AGBL4: variants seen among roughly 807,000 people sequenced by gnomAD.
AGBL4 encodes the protein cytosolic carboxypeptidase 6.
AGBL4 carries 58 observed loss-of-function variants against 66.4 expected under a neutral mutation model. The observed-to-expected ratio is 0.87, with a 90% CI of 0.71 to 1.09. The LOEUF (loss-of-function observed/expected upper bound fraction) is 1.09, where lower values mean the gene tolerates loss of function less well. Ranked by LOEUF, AGBL4 falls within the 50% of genes least tolerant of loss-of-function variation. The pLI is 0.00. For synonymous variants in AGBL4, 234 were observed against 222.9 expected, an observed-to-expected ratio of 1.05 and a Z score of -0.44; for missense variants, 579 against 631.0, an observed-to-expected ratio of 0.92 and a Z score of 0.88.
At chr1:49,984,229 GACTA>G (rs1305521274) in intron 1 of AGBL4, among the ~76,000 whole-genome samples, 2 of 152,160 alleles carry the variant, frequency 1.3e-5, no homozygotes, top group Non-Finnish European at 2.9e-5. Context: ...CACAGATTCT[GACTA>G]ACTGACTAAC....
At chr1:49,157,548 G>A (rs759045568) in intron 4 of AGBL4, among the ~76,000 whole-genome samples, 4 of 152,150 alleles carry the variant, frequency 2.6e-5, no homozygotes, top group South Asian at 2.1e-4. Context: ...ACATACGAGT[G>A]CATGTGTCTT....
At chr1:48,833,700 C>T (rs572480796) in intron 6 of AGBL4, among the ~76,000 whole-genome samples, 2 of 152,150 alleles carry the variant, frequency 1.3e-5, no homozygotes, top group African/African-American at 4.8e-5. Flanking sequence ...TGAGATTATA[C>T]CAGGGGAAAC....
chr1:49,310,518 C>T (rs567361556), intron 3 of AGBL4, among the ~76,000 whole-genome samples: 1 of 152,168 alleles, frequency 6.6e-6, no homozygotes, highest in South Asian at 2.1e-4. Context: ...ATACCTTGCT[C>T]TAACTGATCA....
At chr1:49,001,350 T>A (rs2793286) in intron 5 of AGBL4, among the ~76,000 whole-genome samples, 14,174 of 152,270 alleles carry the variant, frequency 0.093, 961 homozygotes, top group East Asian at 0.32. Flanking sequence ...GTTCATAAAA[T>A]AACTTGGGCA....
chr1:49,689,911 T>A (rs1342420380), intron 3 of AGBL4, among the ~76,000 whole-genome samples: 1 of 152,196 alleles, frequency 6.6e-6, no homozygotes, highest in Non-Finnish European at 1.5e-5. Context: ...TAAAATGCTA[T>A]CAGAGAGCTT....
At chr1:49,439,583 G>A (rs953038660) in intron 3 of AGBL4, among the ~76,000 whole-genome samples, 1 of 152,200 alleles carries the variant, frequency 6.6e-6, no homozygotes, top group Non-Finnish European at 1.5e-5. Context: ...CTGTGAGGGT[G>A]CTGCCAAAGG....
At chr1:49,383,791 G>A (rs1041431756) in intron 3 of AGBL4, among the ~76,000 whole-genome samples, 7 of 135,300 alleles carry the variant, frequency 5.2e-5, no homozygotes, top group African/African-American at 2.6e-4. Flanking sequence ...AAATGAGACT[G>A]TATATATATA....
chr1:48,564,585 T>G (rs559296849), intron 11 of AGBL4, among the ~76,000 whole-genome samples: 8 of 152,216 alleles, frequency 5.3e-5, no homozygotes, highest in Admixed American at 1.3e-4. Flanking sequence ...TATCAACTTG[T>G]TCTTTGAATG....
At chr1:49,345,344 G>A (rs1052849877) in intron 3 of AGBL4, among the ~76,000 whole-genome samples, 3 of 152,076 alleles carry the variant, frequency 2.0e-5, no homozygotes, top group Admixed American at 1.3e-4. Flanking sequence ...GACTGTGGCT[G>A]TCCTAAGACT....
At chr1:49,501,870 G>T (rs1307178231) in intron 3 of AGBL4, among the ~76,000 whole-genome samples, 5 of 151,840 alleles carry the variant, frequency 3.3e-5, no homozygotes, top group African/African-American at 1.2e-4. Flanking sequence ...TTGAATCATT[G>T]CTTGTTAAGC....
chr1:49,935,816 C>G (rs1390019519), intron 1 of AGBL4, among the ~76,000 whole-genome samples: 1 of 152,048 alleles, frequency 6.6e-6, no homozygotes, highest in Non-Finnish European at 1.5e-5. Context: ...GAAAGGACAT[C>G]CACACCAAAA....
chr1:48,594,151 C>T (rs1234235157), intron 9 of AGBL4, among the ~76,000 whole-genome samples: 1 of 152,066 alleles, frequency 6.6e-6, no homozygotes, highest in Non-Finnish European at 1.5e-5. Flanking sequence ...CATGGTGAAA[C>T]ACCGTCTCTA....
intron 7 of AGBL4, among the ~76,000 whole-genome samples, chr1:48,656,732 C>A (rs1646027340): frequency 6.6e-6 from 1 of 152,256 alleles, no homozygotes; most frequent in Admixed American, 6.5e-5. Flanking sequence ...AACAGAAAAC[C>A]AAATACTGCA....
chr1:49,373,563 G>A (rs1644410782), intron 3 of AGBL4, among the ~76,000 whole-genome samples: 1 of 152,040 alleles, frequency 6.6e-6, no homozygotes, highest in Admixed American at 6.6e-5. Flanking sequence ...AACATAGAGG[G>A]CAAAACAAAG....
chr1:49,863,379 T>G (rs2148090896), intron 1 of AGBL4, among the ~76,000 whole-genome samples: 1 of 152,284 alleles, frequency 6.6e-6, no homozygotes, highest in African/African-American at 2.4e-5. Context: ...TGGCCAAAGA[T>G]TTCTTCAGCA....
intron 8 of AGBL4, among the ~76,000 whole-genome samples, chr1:48,635,898 T>C (rs920196446): frequency 2.0e-5 from 3 of 152,238 alleles, no homozygotes; most frequent in African/African-American, 7.2e-5. Context: ...GAGTCCCTTC[T>C]TCATTTGCCA....
At chr1:49,647,745 A>G (rs1645917642) in intron 3 of AGBL4, among the ~76,000 whole-genome samples, 1 of 151,866 alleles carries the variant, frequency 6.6e-6, no homozygotes. Flanking sequence ...AACTGACTTG[A>G]GAGAAGGGGA....
rs965816993 is a variant in AGBL4, at chr1:49,936,673, A to G, written c.35-85155T>C. ...ACTCTACAAGCCAGAAGAGAGTGGGAGCCAATATTCAACATTCTTAAGGAA... is the reference window on the plus strand; with the variant it reads ...ACTCTACAAGCCAGAAGAGAGTGGGGGCCAATATTCAACATTCTTAAGGAA... On this transcript the variant is annotated intron_variant, in intron 1 of 13. Transcript: ENST00000371839. Among the ~76,000 whole-genome samples the G allele has an allele frequency of 3.3e-5, 5 of 152,204 alleles. No individual in the cohort carries two copies. The East Asian group carries it at 5.8e-4, about 18-fold the overall frequency.
At chr1:49,096,450 C>G (rs1224138968) in intron 4 of AGBL4, among the ~76,000 whole-genome samples, 3 of 151,846 alleles carry the variant, frequency 2.0e-5, no homozygotes, top group Non-Finnish European at 4.4e-5. Flanking sequence ...AAATGTCCAA[C>G]AATGATAGAC....
Sources: gnomAD v4.1 joint callset for allele counts (sites outside exome capture counted in the v4.1 genomes callset) on GRCh38, gnomAD v4.1.1 for gene constraint, MANE v1.5 for transcripts, NCBI Gene and HGNC (gene_info 2026-07-23, HGNC 2026-07-21) for gene names.